TBC1D4: variants seen among roughly 807,000 people sequenced by gnomAD.
TBC1D4 encodes TBC1 domain family member 4, also known as TBC (Tre-2, BUB2, CDC16) domain-containing protein.
TBC1D4 carries 121 observed loss-of-function variants against 142.5 expected under a neutral mutation model. That is an observed-to-expected ratio of 0.85 (90% CI 0.73 to 0.99). TBC1D4 has a LOEUF of 0.99. Ranked by LOEUF, TBC1D4 falls within the 50% of genes least tolerant of loss-of-function variation. The probability of loss-of-function intolerance (pLI) is 0.00; values close to 1 mark genes in which losing one functional copy is unlikely to be tolerated. For missense variants in TBC1D4, 1,475 were observed against 1,606.6 expected (o/e 0.92, Z 1.40); for synonymous variants, 630 against 628.2 (o/e 1.00, Z -0.04).
Position 75,320,867 on chromosome 13 carries a change from CAAA to C in TBC1D4, c.2199-833_2199-831del, listed in dbSNP as rs148657060. Reference sequence around the variant, plus strand: ...TGAAACCCCGTCTCTACTAAAAATACAAAAAAAAAAAAAAAAAAAAAAATTAGC... The same window carrying C: ...TGAAACCCCGTCTCTACTAAAAATACAAAAAAAAAAAAAAAAAAAATTAGC... On this transcript the variant is annotated intron_variant, in intron 11 of 20. Coordinates refer to ENST00000377636, the MANE Select transcript of TBC1D4 (RefSeq NM_014832.5). 3.9e-3 allele frequency among the ~76,000 whole-genome samples: 329 copies of C among 84,344 alleles called. 1 individual carries two copies. The South Asian group carries it at 0.05, about 13-fold the overall frequency. The allele number at this position is 84,344 out of a possible 152,430, so 55.3% of individuals were successfully genotyped here.
intron 1 of TBC1D4, among the ~76,000 whole-genome samples, chr13:75,464,314 G>A (rs572330373): frequency 2.0e-5 from 3 of 152,314 alleles, no homozygotes; most frequent in Admixed American, 1.3e-4. Context: ...CGGAACGAGG[G>A]CAAGGAACAC....
At chr13:75,449,980 T>C (rs1252733230) in intron 1 of TBC1D4, among the ~76,000 whole-genome samples, 1 of 152,188 alleles carries the variant, frequency 6.6e-6, no homozygotes, top group Non-Finnish European at 1.5e-5. Flanking sequence ...TGATTCCAAA[T>C]AAATGAACTC....
chr13:75,361,148 T>C (rs74096228), intron 2 of TBC1D4, among the ~76,000 whole-genome samples: 10,089 of 152,254 alleles, frequency 0.066, 473 homozygotes, highest in African/African-American at 0.13. Flanking sequence ...AATGATCTTT[T>C]ATACCAATAC....
Position 75,381,753 on chromosome 13 carries a change from GGC to G in TBC1D4, c.499-19148_499-19147del, listed in dbSNP as rs1365159097. Among the ~76,000 whole-genome samples the G allele has an allele frequency of 2.0e-5, 3 of 152,224 alleles. No individual in the cohort carries two copies. In the East Asian group the frequency reaches 5.8e-4, roughly 29 times the overall value. On this transcript the variant is annotated intron_variant, in intron 1 of 20. Transcript: ENST00000377636. ...AACACCAGAGGCCCTAAGTATGCTA[GGC>G]GCTAAGCATGCAAACATGAAAATGA...
chr13:75,305,150 C>T (rs1877044159), intron 15 of TBC1D4, among the ~76,000 whole-genome samples: 1 of 152,188 alleles, frequency 6.6e-6, no homozygotes, highest in South Asian at 2.1e-4. Context: ...GGTTCTCATT[C>T]TCTTTTGTTT....
rs567011015 is a variant in TBC1D4, at chr13:75,287,303, C to G, written c.3664-278G>C. 2.6e-5 allele frequency among the ~76,000 whole-genome samples: 4 copies of G among 152,276 alleles called. No homozygotes were observed. In the South Asian group the frequency reaches 8.3e-4, roughly 32 times the overall value. On this transcript the variant is annotated intron_variant, in intron 20 of 20. Coordinates refer to ENST00000377636, the MANE Select transcript of TBC1D4 (RefSeq NM_014832.5). ...TCCTTATTCTACACCCACTGGTGTT[C>G]CCCTGAGTGAGTGGGATCTGGCCTG...
chr13:75,426,356 C>T (rs1233607199), intron 1 of TBC1D4, among the ~76,000 whole-genome samples: 2 of 152,158 alleles, frequency 1.3e-5, no homozygotes, highest in Admixed American at 6.5e-5. Context: ...CAGATCAAGT[C>T]CCCTTATCAA....
rs561014260 is a variant in TBC1D4 at position 75,443,113 on chromosome 13, G to A, written c.498+38157C>T. Among the ~76,000 whole-genome samples the A allele has an allele frequency of 2.6e-5, 4 of 152,268 alleles. No homozygotes were observed. The East Asian group carries it at 7.7e-4, about 29-fold the overall frequency. ...AGTAATTAGTTACTTCAGTTTAGAGGCCCCCAGCTGGATGCAGCCAGATGC... is the reference window on the plus strand; with the variant it reads ...AGTAATTAGTTACTTCAGTTTAGAGACCCCCAGCTGGATGCAGCCAGATGC... On this transcript the variant is annotated intron_variant, in intron 1 of 20. Coordinates refer to ENST00000377636, the MANE Select transcript of TBC1D4 (RefSeq NM_014832.5).
At chr13:75,457,382 C>G (rs1447978458) in intron 1 of TBC1D4, among the ~76,000 whole-genome samples, 2 of 152,220 alleles carry the variant, frequency 1.3e-5, no homozygotes, top group African/African-American at 4.8e-5. Flanking sequence ...TATCCCTGAC[C>G]TCTCCACTCA....
intron 1 of TBC1D4, among the ~76,000 whole-genome samples, chr13:75,424,732 T>G (rs1377395664): frequency 6.6e-6 from 1 of 152,310 alleles, no homozygotes; most frequent in East Asian, 1.9e-4. Context: ...CAGTTAATTT[T>G]CAACAAAGGT....
At position 75,312,728 on chromosome 13, in the gene TBC1D4, C is replaced by G. The variant is rs779791942; in HGVS notation, c.2383+10G>C. ...AGAGGGATAAATTCCTTAGGGAGTG[C>G]AACACAGACCTTGCTGTTGCATTGC... On this transcript the variant is annotated intron_variant, in intron 13 of 20. Transcript: ENST00000377636. The G allele has an allele frequency of 6.2e-7, 1 of 1,614,020 alleles. No homozygotes were observed. The highest frequency in any genetic ancestry group is 1.3e-5 in the African/African-American group (1 of 74,908).
chr13:75,416,752 A>G (rs1306815824), intron 1 of TBC1D4, among the ~76,000 whole-genome samples: 1 of 152,184 alleles, frequency 6.6e-6, no homozygotes, highest in Non-Finnish European at 1.5e-5. Flanking sequence ...GTAAATACCC[A>G]GTCTATGTAA....
rs1674418702 is a variant in TBC1D4, at chr13:75,306,487, A to C, written c.2594-16T>G. The C allele has an allele frequency of 1.9e-6, 3 of 1,612,128 alleles. No individual in the cohort carries two copies. The highest frequency in any genetic ancestry group is 1.6e-4 in the Middle Eastern group (1 of 6,070). ...TCTCTGCTTGCTAAGGAAAAAAACA[A>C]TTTACGTAAGACCAATGTGTTTTTC... On this transcript the variant is annotated splice_polypyrimidine_tract_variant and intron_variant, in intron 14 of 20. Coordinates refer to ENST00000377636, the MANE Select transcript of TBC1D4 (RefSeq NM_014832.5).
chr13:75,316,286 C>T (rs773212477), intron 12 of TBC1D4, among the ~76,000 whole-genome samples: 6 of 152,002 alleles, frequency 3.9e-5, no homozygotes, highest in South Asian at 2.1e-4. Flanking sequence ...ATAAAAGAGG[C>T]GCATACAGTA....
intron 1 of TBC1D4, among the ~76,000 whole-genome samples, chr13:75,413,112 A>T (rs1885747971): frequency 6.6e-6 from 1 of 152,168 alleles, no homozygotes; most frequent in East Asian, 1.9e-4. Context: ...CATAAAGGGG[A>T]GGAAGATCAC....
At chr13:75,351,459 T>C (rs1468827707) in intron 4 of TBC1D4, among the ~76,000 whole-genome samples, 1 of 152,134 alleles carries the variant, frequency 6.6e-6, no homozygotes. Context: ...AGGGTACATG[T>C]GCACAACGTG....
In TBC1D4 at chr13:75,386,439, A is replaced by AG. The variant is rs540280652; in HGVS notation, c.499-23833dup. The stretch of plus-strand genomic sequence containing the variant: ...AGTCTCACACTGTCACCCAGGCTGG[A>AG]GTGCAGTGGTGTGATCTCGGCTCAC... On this transcript the variant is annotated intron_variant, in intron 1 of 20. Transcript: ENST00000377636. 4.3e-4 allele frequency among the ~76,000 whole-genome samples: 62 copies of AG among 145,812 alleles called. No individual in the cohort carries two copies. In the East Asian group the frequency reaches 0.011, roughly 26 times the overall value.
intron 1 of TBC1D4, among the ~76,000 whole-genome samples, chr13:75,372,673 A>T (rs916277959): frequency 6.6e-5 from 10 of 152,180 alleles, no homozygotes; most frequent in South Asian, 2.1e-4. Flanking sequence ...CCAAAAAAAA[A>T]TTTTTTTAAA....
chr13:75,309,562 G>T (rs1224650463), intron 14 of TBC1D4, among the ~76,000 whole-genome samples: 1 of 152,066 alleles, frequency 6.6e-6, no homozygotes, highest in Non-Finnish European at 1.5e-5. Context: ...TCAAAGAAAA[G>T]AAAATTTGCT....
Sources: gnomAD v4.1 joint callset for allele counts (sites outside exome capture counted in the v4.1 genomes callset) on GRCh38, gnomAD v4.1.1 for gene constraint, MANE v1.5 for transcripts, NCBI Gene and HGNC (gene_info 2026-07-23, HGNC 2026-07-21) for gene names.